The following KCNK2 variants were observed in gnomAD, a reference collection of about 807,000 sequenced individuals.
KCNK2 encodes potassium channel subfamily K member 2.
Under a neutral mutation model 40.5 loss-of-function variants are expected in KCNK2, and 21 were observed. That is an observed-to-expected ratio of 0.52 (90% CI 0.37 to 0.75). The LOEUF (loss-of-function observed/expected upper bound fraction) is 0.75. Among genes scored for constraint, KCNK2 ranks in the 30% least tolerant of loss-of-function variants. KCNK2 has a pLI of 0.00. For synonymous variants in KCNK2, 191 were observed against 202.2 expected (o/e 0.94, Z 0.47); for missense variants, 399 against 531.6 (o/e 0.75, Z 2.45).
intron 3 of KCNK2, among the ~76,000 whole-genome samples, chr1:215,136,171 C>T (rs939484642): frequency 6.6e-6 from 1 of 152,140 alleles, no homozygotes. Context: ...CCCCGGTTCA[C>T]TTCAACCTCC....
intron 2 of KCNK2, among the ~76,000 whole-genome samples, chr1:215,100,626 T>C (rs949304484): frequency 6.6e-6 from 1 of 151,994 alleles, no homozygotes; most frequent in Non-Finnish European, 1.5e-5. Context: ...ACATTGCTGG[T>C]TGCGGTTCTG....
chr1:215,209,297 T>A (rs1407353407), intron 6 of KCNK2, among the ~76,000 whole-genome samples: 26 of 91,020 alleles, frequency 2.9e-4, no homozygotes, highest in African/African-American at 6.0e-4. Context: ...TTATATATAA[T>A]ATATATTATA....
intron 3 of KCNK2, among the ~76,000 whole-genome samples, chr1:215,156,410 A>G (rs1662927270): frequency 6.6e-6 from 1 of 152,056 alleles, no homozygotes; most frequent in East Asian, 1.9e-4. Context: ...TGTGTGATAT[A>G]CTCATCTAAA....
At chr1:215,051,533 G>C (rs1359977433) in intron 1 of KCNK2, among the ~76,000 whole-genome samples, 2 of 152,166 alleles carry the variant, frequency 1.3e-5, no homozygotes, top group East Asian at 1.9e-4. Flanking sequence ...ACAGTAGCCA[G>C]GAGCTGCTTT....
At chr1:215,177,769 G>C (rs533033614) in intron 5 of KCNK2, among the ~76,000 whole-genome samples, 1 of 123,536 alleles carries the variant, frequency 8.1e-6, no homozygotes, top group African/African-American at 3.1e-5. Flanking sequence ...GTACCATGCT[G>C]TTTCGGTTAC....
intron 1 of KCNK2, among the ~76,000 whole-genome samples, chr1:215,055,434 C>G (rs1658125071): frequency 6.6e-6 from 1 of 152,166 alleles, no homozygotes. Flanking sequence ...ATACAGCATC[C>G]CCACAGAACT....
intron 3 of KCNK2, among the ~76,000 whole-genome samples, chr1:215,143,001 C>G (rs183304008): frequency 1.3e-3 from 195 of 152,168 alleles, no homozygotes; most frequent in Non-Finnish European, 2.2e-3. Context: ...GGTGGGCCTT[C>G]TCATAATTAT....
At chr1:215,211,054 T>G (rs1029321050) in intron 6 of KCNK2, among the ~76,000 whole-genome samples, 2 of 152,170 alleles carry the variant, frequency 1.3e-5, no homozygotes, top group African/African-American at 4.8e-5. Flanking sequence ...GACACCAGAA[T>G]AATCCTTTGA....
chr1:215,159,676 T>C (rs546535416), intron 3 of KCNK2, among the ~76,000 whole-genome samples: 62 of 152,312 alleles, frequency 4.1e-4, no homozygotes, highest in Admixed American at 4.1e-3. Context: ...TGTTTTTTCC[T>C]GATACTATAA....
chr1:215,218,857 C>T (rs558919887), intron 6 of KCNK2, among the ~76,000 whole-genome samples: 1 of 152,260 alleles, frequency 6.6e-6, no homozygotes, highest in South Asian at 2.1e-4. Context: ...ATATATTATA[C>T]ATGTTTAAAA....
At position 215,047,004 on chromosome 1, in the gene KCNK2, A is replaced by G. The variant is rs371270384; in HGVS notation, c.35-39364A>G. On this transcript the variant is annotated intron_variant, in intron 1 of 6. Coordinates refer to the KCNK2 transcript ENST00000391895. Reference sequence around the variant, plus strand: ...AAACTATCTAAGATGATCAAGTCAAAGTTAATTTCACAACTTCTTAGAGTC... The same window carrying G: ...AAACTATCTAAGATGATCAAGTCAAGGTTAATTTCACAACTTCTTAGAGTC... Among the ~76,000 whole-genome samples, 143 of 152,232 alleles carry G rather than the reference A, an allele frequency of 9.4e-4. 5 individuals are homozygous for G. The South Asian group carries it at 0.029, about 31-fold the overall frequency.
chr1:215,203,156 T>C (rs979552859), intron 6 of KCNK2, among the ~76,000 whole-genome samples: 3 of 152,196 alleles, frequency 2.0e-5, no homozygotes, highest in African/African-American at 7.2e-5. Context: ...TTTAATTTGG[T>C]TACTAATTAT....
Position 215,083,200 on chromosome 1 carries a change from C to CCCCCCCCCCCCCCCGT in KCNK2, c.-183_-182insCCCCCCCCCCCGTCCC. ...ATTTCGTTTCTTCTCACGCTCCCCC[C>CCCCCCCCCCCCCCCGT]CCCGCCCCCTCCCGCGTCCAGCCCC... On this transcript the variant is annotated 5_prime_UTR_variant, in exon 1 of 7. Transcript: ENST00000444842. 1 of 748,256 alleles carries CCCCCCCCCCCCCCCGT rather than the reference C, an allele frequency of 1.3e-6. No homozygotes were observed. Among genetic ancestry groups the CCCCCCCCCCCCCCCGT allele is most frequent in the Non-Finnish European group, 2.1e-6 (1 of 471,076 alleles). The allele number at this position is 748,256 out of a possible 1,614,324, so 46.4% of individuals were successfully genotyped here.
chr1:215,070,286 G>T (rs1658704101), intron 1 of KCNK2, among the ~76,000 whole-genome samples: 1 of 151,668 alleles, frequency 6.6e-6, no homozygotes, highest in Admixed American at 6.6e-5. Context: ...TGTGGTGGCG[G>T]GCACCTGTAG....
At chr1:215,058,926 C>G (rs1049787174) in intron 1 of KCNK2, among the ~76,000 whole-genome samples, 1 of 152,060 alleles carries the variant, frequency 6.6e-6, no homozygotes, top group Non-Finnish European at 1.5e-5. Context: ...GATGACCTCT[C>G]CATGTGAAAG....
At chr1:215,007,031 A>ATATGTGTGTGTGTG (rs1656160027) in intron 1 of KCNK2, among the ~76,000 whole-genome samples, 6 of 79,306 alleles carry the variant, frequency 7.6e-5, no homozygotes, top group Admixed American at 3.6e-4. Context: ...ATATATATAT[A>ATATGTGTGTGTGTG]TATATATGTG....
chr1:215,080,700 G>A (rs572719675), upstream of KCNK2, among the ~76,000 whole-genome samples: 1 of 152,302 alleles, frequency 6.6e-6, no homozygotes, highest in African/African-American at 2.4e-5. Context: ...TATAAAGATA[G>A]ATGAAAGACG....
At chr1:215,018,959 C>T (rs1056517450) in intron 1 of KCNK2, among the ~76,000 whole-genome samples, 5 of 151,262 alleles carry the variant, frequency 3.3e-5, no homozygotes, top group Non-Finnish European at 5.9e-5. Flanking sequence ...CTGACAAGCA[C>T]TTGTGGGGTG....
intron 3 of KCNK2, among the ~76,000 whole-genome samples, chr1:215,163,285 C>T (rs1381921439): frequency 6.6e-6 from 1 of 152,168 alleles, no homozygotes; most frequent in Admixed American, 6.6e-5. Flanking sequence ...TGAGACTTTG[C>T]TGAAGTTGCT....
Sources: allele counts gnomAD v4.1 joint callset (sites outside exome capture counted in the v4.1 genomes callset), GRCh38; gene constraint gnomAD v4.1.1; transcripts MANE v1.5; gene names NCBI Gene and HGNC (gene_info 2026-07-23, HGNC 2026-07-21).